Variants in IL1RAPL2 observed in about 807,000 individuals in gnomAD.
The protein encoded by IL1RAPL2 is X-linked interleukin-1 receptor accessory protein-like 2.
In IL1RAPL2, 3 loss-of-function variants were observed where a neutral mutation model predicts 44.1. The ratio of observed to expected loss-of-function variants is 0.07; its 90% CI spans 0.03 to 0.18. The LOEUF (loss-of-function observed/expected upper bound fraction) is 0.18. Among genes scored for constraint, IL1RAPL2 ranks in the 10% least tolerant of loss-of-function variants. IL1RAPL2 has a pLI of 1.00. For synonymous variants in IL1RAPL2, 181 were observed against 178.8 expected (o/e 1.01, Z -0.10); for missense variants, 391 against 496.4 (o/e 0.79, Z 2.02).
chrX:105,673,610 A>G (rs748350158), intron 6 of IL1RAPL2, among the ~76,000 whole-genome samples: 1 of 111,946 alleles, frequency 8.9e-6, no homozygotes, highest in African/African-American at 3.2e-5. Context: ...GTTATTGTGA[A>G]TAGTGCTGCA....
At chrX:105,461,588 G>C (rs2036093225) in intron 5 of IL1RAPL2, among the ~76,000 whole-genome samples, 1 of 111,300 alleles carries the variant, frequency 9.0e-6, no homozygotes, top group Non-Finnish European at 1.9e-5. Context: ...AAAGGCTCAG[G>C]CTGTCTGAAG....
intron 2 of IL1RAPL2, among the ~76,000 whole-genome samples, chrX:104,708,206 C>T (rs1266276463): frequency 8.9e-6 from 1 of 111,822 alleles, no homozygotes; most frequent in East Asian, 2.8e-4. Flanking sequence ...TTAACATTTC[C>T]ATTCCTTTTT....
rs141078652 is a variant in IL1RAPL2, at chrX:104,607,695, G to T, written c.-20+40644G>T. 4.4e-4 allele frequency among the ~76,000 whole-genome samples: 49 copies of T among 111,539 alleles called. No individual in the cohort carries two copies. In the East Asian group the frequency reaches 0.014, roughly 31 times the overall value. ...AAACCACAGTGAGATACCATCTCAC[G>T]CCAGTTAGGCAATCATCAAAAAGTC... On this transcript the variant is annotated intron_variant, in intron 1 of 10. Transcript: ENST00000372582.
chrX:105,357,605 A>T (rs2035212802), intron 5 of IL1RAPL2, among the ~76,000 whole-genome samples: 1 of 110,855 alleles, frequency 9.0e-6, no homozygotes, highest in South Asian at 3.8e-4. Context: ...AATTGTTCAT[A>T]AATGAATAAA....
At chrX:104,579,702 A>G (rs1886233385) in intron 1 of IL1RAPL2, among the ~76,000 whole-genome samples, 1 of 111,495 alleles carries the variant, frequency 9.0e-6, no homozygotes, top group Non-Finnish European at 1.9e-5. Flanking sequence ...CCCCTGTAAC[A>G]CATAGTTTAC....
chrX:105,229,678 C>A (rs1332089674), intron 3 of IL1RAPL2, among the ~76,000 whole-genome samples: 1 of 112,094 alleles, frequency 8.9e-6, no homozygotes, highest in East Asian at 2.8e-4. Context: ...TTGGAGAGGT[C>A]AGGGAACGAA....
chrX:105,755,399 T>G, intron 10 of IL1RAPL2, 52 bp downstream of exon 10: 1 of 924,115 alleles, frequency 1.1e-6, no homozygotes, highest in Non-Finnish European at 1.5e-6. Context: ...TTTAGGATGT[T>G]ATGTGAAGGC....
At position 105,309,718 on chromosome X, in the gene IL1RAPL2, C is replaced by T. The variant is rs192591327; in HGVS notation, c.697+42177C>T. ...CTGCACTCCAGCCTGGCCAACAGGG[C>T]GAGACTCTGTCTCAAAAAAAAAAAA... On this transcript the variant is annotated intron_variant, in intron 5 of 10. Coordinates refer to ENST00000372582, the MANE Select transcript of IL1RAPL2 (RefSeq NM_017416.2). Among the ~76,000 whole-genome samples, 315 of 84,670 alleles carry T rather than the reference C, an allele frequency of 3.7e-3. 1 individual carries two copies. The highest frequency in any genetic ancestry group is 0.014 in the African/African-American group (298 of 20,720). The allele number at this position is 84,670 out of a possible 115,157, so 73.5% of individuals were successfully genotyped here. A position where few individuals can be genotyped will look rare whatever the true frequency, so the allele number is the denominator to read the frequency against.
chrX:104,570,349 T>TTA (rs905525229), intron 1 of IL1RAPL2, among the ~76,000 whole-genome samples: 1 of 111,823 alleles, frequency 8.9e-6, no homozygotes, highest in Non-Finnish European at 1.9e-5. Context: ...CTCATTATCT[T>TTA]TAGACTTGGA....
chrX:105,432,609 G>C (rs2035856035), intron 5 of IL1RAPL2, among the ~76,000 whole-genome samples: 1 of 111,074 alleles, frequency 9.0e-6, no homozygotes. Flanking sequence ...TTGAAATCAG[G>C]CTCTGATAAG....
At chrX:105,087,334 C>A (rs1264504034) in intron 2 of IL1RAPL2, among the ~76,000 whole-genome samples, 2 of 111,519 alleles carry the variant, frequency 1.8e-5, no homozygotes, top group Non-Finnish European at 3.8e-5. Context: ...GTTATTTCCC[C>A]CTCTTCCATC....
intron 2 of IL1RAPL2, among the ~76,000 whole-genome samples, chrX:104,818,485 T>A (rs1921207984): frequency 9.1e-6 from 1 of 109,754 alleles, no homozygotes; most frequent in Non-Finnish European, 1.9e-5. Context: ...AAACATAATT[T>A]AGAAAGAGAA....
intron 2 of IL1RAPL2, among the ~76,000 whole-genome samples, chrX:104,896,363 C>A (rs1371710784): frequency 9.0e-6 from 1 of 111,662 alleles, no homozygotes; most frequent in Non-Finnish European, 1.9e-5. Flanking sequence ...TTTCACTGGC[C>A]TTAAGAGTTC....
At chrX:104,724,091 T>A (rs1931739531) in intron 2 of IL1RAPL2, among the ~76,000 whole-genome samples, 1 of 111,073 alleles carries the variant, frequency 9.0e-6, no homozygotes, top group African/African-American at 3.3e-5. Context: ...ATCCTAAGAA[T>A]TGAACAACAG....
At chrX:105,190,339 C>A (rs2033622929) in intron 2 of IL1RAPL2, among the ~76,000 whole-genome samples, 1 of 112,230 alleles carries the variant, frequency 8.9e-6, no homozygotes, top group South Asian at 3.7e-4. Flanking sequence ...TGCTGTGATT[C>A]TTCTCAAGCA....
rs1373684697 is a variant in IL1RAPL2 at position 104,990,463 on chromosome X, C to T, written c.83-205012C>T. ...GCATTCTTTTTGACACAAAGCAAGG[C>T]AGTTCAAAATAACACTGAAACAATC... On this transcript the variant is annotated intron_variant, in intron 2 of 10. Coordinates refer to ENST00000372582, the MANE Select transcript of IL1RAPL2 (RefSeq NM_017416.2). Among the ~76,000 whole-genome samples the T allele has an allele frequency of 1.2e-4, 13 of 111,034 alleles. No individual in the cohort carries two copies. In the Admixed American group the frequency reaches 1.2e-3, roughly 11 times the overall value.
intron 6 of IL1RAPL2, among the ~76,000 whole-genome samples, chrX:105,605,339 CA>C (rs1366741832): frequency 9.0e-6 from 1 of 110,963 alleles, no homozygotes; most frequent in Non-Finnish European, 1.9e-5. Context: ...ATTAAGAAAG[CA>C]ATTCAATTTA....
At chrX:104,595,960 A>C (rs1241022704) in intron 1 of IL1RAPL2, among the ~76,000 whole-genome samples, 3 of 110,153 alleles carry the variant, frequency 2.7e-5, no homozygotes, top group African/African-American at 9.9e-5. Flanking sequence ...ATTGCTTGAG[A>C]CAAGGTATTC....
intron 6 of IL1RAPL2, among the ~76,000 whole-genome samples, chrX:105,513,622 T>C (rs1487617707): frequency 8.9e-6 from 1 of 111,907 alleles, no homozygotes; most frequent in Non-Finnish European, 1.9e-5. Flanking sequence ...GGTTGTTTGT[T>C]TTTTTCTTGT....
Sources: gnomAD v4.1 joint callset for allele counts (sites outside exome capture counted in the v4.1 genomes callset) on GRCh38, gnomAD v4.1.1 for gene constraint, MANE v1.5 for transcripts, NCBI Gene and HGNC (gene_info 2026-07-23, HGNC 2026-07-21) for gene names.